Variants in RBFOX3 observed in about 807,000 individuals in gnomAD.
RBFOX3 encodes RNA binding fox-1 homolog 3, also known as RNA binding protein fox-1 homolog 3.
RBFOX3 carries 17 observed loss-of-function variants against 48.7 expected under a neutral mutation model. The ratio of observed to expected loss-of-function variants is 0.35; its 90% CI spans 0.24 to 0.52. The LOEUF (loss-of-function observed/expected upper bound fraction) is 0.52, where lower values mean the gene tolerates loss of function less well. RBFOX3 is among the 20% of genes least tolerant of loss of function. RBFOX3 has a pLI of 0.94. For missense variants in RBFOX3, 382 were observed against 497.5 expected (o/e 0.77, Z 2.21); for synonymous variants, 212 against 209.5 (o/e 1.01, Z -0.10).
In RBFOX3 at chr17:79,095,094, G is replaced by C. The variant is rs11868976; in HGVS notation, c.998+419C>G. Among the ~76,000 whole-genome samples, 812 of 152,260 alleles carry C rather than the reference G, an allele frequency of 5.3e-3. 10 individuals are homozygous for C. Among genetic ancestry groups the C allele is most frequent in the African/African-American group, 0.018 (758 of 41,524 alleles). On this transcript the variant is annotated intron_variant, in intron 13 of 14. Transcript: ENST00000693108. The stretch of plus-strand genomic sequence containing the variant: ...TGGAGCCGGGGCTGCCAGGAGGGAG[G>C]GGGTACAAGCGGTCCCCAGACCAGA...
chr17:79,620,401 G>A, the RBFOX3 span, among the ~76,000 whole-genome samples: 1 of 141,312 alleles, frequency 7.1e-6, no homozygotes, highest in Non-Finnish European at 1.5e-5. Context: ...ATGCCCACAT[G>A]CACACACACG....
the RBFOX3 span, among the ~76,000 whole-genome samples, chr17:79,622,530 C>T: frequency 1.3e-5 from 2 of 152,200 alleles, no homozygotes; most frequent in African/African-American, 4.8e-5. Flanking sequence ...TTCATTCTCC[C>T]GCAGATCTTG....
At chr17:79,574,987 G>A (rs1039244091) in intron 1 of RBFOX3, among the ~76,000 whole-genome samples, 11 of 152,214 alleles carry the variant, frequency 7.2e-5, no homozygotes, top group Admixed American at 3.3e-4. Flanking sequence ...TCCAAGGATC[G>A]CACTTTGAGT....
chr17:79,321,823 A>C (rs2078570105), intron 2 of RBFOX3, among the ~76,000 whole-genome samples: 1 of 151,108 alleles, frequency 6.6e-6, no homozygotes, highest in Non-Finnish European at 1.5e-5. Flanking sequence ...CTCCAGCCTC[A>C]GCCTCCCAAG....
At chr17:79,112,987 C>T (rs558794138) in intron 5 of RBFOX3, among the ~76,000 whole-genome samples, 11 of 150,762 alleles carry the variant, frequency 7.3e-5, no homozygotes, top group African/African-American at 2.2e-4. Flanking sequence ...CACGGGCCCT[C>T]GAGTGCCCCG....
intron 14 of RBFOX3, chr17:79,092,367 A>G (rs1026393402): frequency 1.0e-6 from 1 of 985,594 alleles, no homozygotes; most frequent in Non-Finnish European, 1.2e-6. Flanking sequence ...GGTTGCAGAC[A>G]TACAGGAAAA....
At chr17:79,104,383 A>C (rs530387030) in intron 6 of RBFOX3, among the ~76,000 whole-genome samples, 28 of 152,278 alleles carry the variant, frequency 1.8e-4, no homozygotes, top group Middle Eastern at 3.4e-3. Context: ...GTGTGGGGAC[A>C]GGGACAGCTC....
intron 1 of RBFOX3, among the ~76,000 whole-genome samples, chr17:79,565,039 C>CAA (rs1303157702): frequency 0.11 from 12,499 of 113,612 alleles, 1,079 homozygotes; most frequent in African/African-American, 0.21. Flanking sequence ...GACTCTGTCT[C>CAA]AAAAAAAAAA....
intron 4 of RBFOX3, among the ~76,000 whole-genome samples, chr17:79,194,365 G>T (rs923579137): frequency 1.3e-5 from 2 of 152,154 alleles, no homozygotes; most frequent in African/African-American, 2.4e-5. Flanking sequence ...CCAGCACTTT[G>T]GGAGGCTGAG....
chr17:79,426,838 G>A (rs1157275673), intron 2 of RBFOX3, among the ~76,000 whole-genome samples: 2 of 152,134 alleles, frequency 1.3e-5, no homozygotes, highest in African/African-American at 2.4e-5. Context: ...CCAAGTAGCT[G>A]GGATTACAGG....
intron 3 of RBFOX3, among the ~76,000 whole-genome samples, chr17:79,261,409 T>G (rs1030957374): frequency 6.6e-6 from 1 of 152,230 alleles, no homozygotes; most frequent in Non-Finnish European, 1.5e-5. Context: ...AAGACCTGCT[T>G]TTCTCTTGCA....
Position 79,587,626 on chromosome 17 carries a change from G to A in RBFOX3, c.-320+23200C>T, listed in dbSNP as rs1004639987. Among the ~76,000 whole-genome samples the A allele has an allele frequency of 2.7e-3, 410 of 152,292 alleles. 1 individual carries two copies. Among genetic ancestry groups the A allele is most frequent in the Non-Finnish European group, 4.9e-3 (331 of 68,026 alleles). ...AGCTGCCCAAGTCACTCAGCCAGGCGAGGTCCCCCCACGGAGCAGCAGGCT... is the reference window on the plus strand; with the variant it reads ...AGCTGCCCAAGTCACTCAGCCAGGCAAGGTCCCCCCACGGAGCAGCAGGCT... On this transcript the variant is annotated intron_variant, in intron 1 of 14. Coordinates refer to ENST00000693108, the MANE Select transcript of RBFOX3 (RefSeq NM_001350451.2).
At position 79,254,157 on chromosome 17, in the gene RBFOX3, A is replaced by C. The variant is rs1567923367; in HGVS notation, c.-73-18352T>G. ...GCATCGCTAGCACCCAGGACACAGG[A>C]GCCTCACAGAAGTCATTTGCTGAGT... On this transcript the variant is annotated intron_variant, in intron 3 of 14. Transcript: ENST00000693108. The surrounding 1 kb of genome is among the most constrained non-coding windows in gnomAD (Gnocchi z 4.8). 1.3e-5 allele frequency among the ~76,000 whole-genome samples: 2 copies of C among 152,176 alleles called. No homozygotes were observed. The highest frequency in any genetic ancestry group is 2.9e-5 in the Non-Finnish European group (2 of 68,034).
intron 2 of RBFOX3, among the ~76,000 whole-genome samples, chr17:79,323,132 G>A (rs1432523722): frequency 2.6e-5 from 4 of 152,184 alleles, no homozygotes; most frequent in African/African-American, 9.6e-5. Context: ...CATTGTCTTA[G>A]GTGTCAAAGG....
At chr17:79,157,622 GC>G (rs538639933) in intron 4 of RBFOX3, among the ~76,000 whole-genome samples, 291 of 152,314 alleles carry the variant, frequency 1.9e-3, no homozygotes, top group African/African-American at 5.8e-3. Context: ...GATGCCCTGG[GC>G]CCTGAGCACA....
intron 1 of RBFOX3, among the ~76,000 whole-genome samples, chr17:79,527,941 G>A (rs952419377): frequency 6.1e-4 from 93 of 152,304 alleles, no homozygotes; most frequent in Non-Finnish European, 9.8e-4. Context: ...TCTTTCTGCC[G>A]AGTCAGGGCT....
At chr17:79,574,235 G>A (rs1333212196) in intron 1 of RBFOX3, among the ~76,000 whole-genome samples, 3 of 152,194 alleles carry the variant, frequency 2.0e-5, no homozygotes, top group East Asian at 3.8e-4. Flanking sequence ...TCTTGAATAG[G>A]GGCTGGGCAG....
At chr17:79,373,860 T>G (rs2147726077) in intron 2 of RBFOX3, among the ~76,000 whole-genome samples, 1 of 150,794 alleles carries the variant, frequency 6.6e-6, no homozygotes, top group Non-Finnish European at 1.5e-5. Flanking sequence ...TCTTTTTTTG[T>G]TTTTGTTTTT....
intron 4 of RBFOX3, among the ~76,000 whole-genome samples, chr17:79,120,668 GGATGGGTGGATGGTTGGATGGATA>G (rs2035460087): frequency 1.4e-5 from 2 of 143,122 alleles, no homozygotes; most frequent in African/African-American, 5.2e-5. Context: ...ACGGATGAAT[GGATGGGTGGATGGTTGGATGGATA>G]GATGGGTGGG....
Sources: gnomAD v4.1 joint callset for allele counts (sites outside exome capture counted in the v4.1 genomes callset) on GRCh38, gnomAD v4.1.1 for gene constraint, Gnocchi (gnomAD v3.1) non-coding constraint, MANE v1.5 for transcripts, NCBI Gene and HGNC (gene_info 2026-07-23, HGNC 2026-07-21) for gene names.